Variants in FGF12 observed in about 807,000 individuals in gnomAD.
FGF12 encodes the protein fibroblast growth factor 12B.
Under a neutral mutation model 23.6 loss-of-function variants are expected in FGF12, and 14 were observed. The ratio of observed to expected loss-of-function variants is 0.59; its 90% CI spans 0.39 to 0.93. FGF12 has a LOEUF of 0.93. Among genes scored for constraint, FGF12 ranks in the 40% least tolerant of loss-of-function variants. The pLI is 0.00. For synonymous variants in FGF12, 62 were observed against 77.3 expected (o/e 0.80, Z 1.04); for missense variants, 175 against 217.8 (o/e 0.80, Z 1.24).
intron 2 of FGF12, among the ~76,000 whole-genome samples, chr3:192,495,067 G>T (rs1465249046): frequency 1.3e-5 from 2 of 151,996 alleles, no homozygotes; most frequent in Non-Finnish European, 2.9e-5. Context: ...CCCCATCTTG[G>T]CCAGGCTGGT....
At chr3:192,218,081 C>T (rs887125104) in intron 4 of FGF12, among the ~76,000 whole-genome samples, 5 of 152,156 alleles carry the variant, frequency 3.3e-5, no homozygotes, top group South Asian at 2.1e-4. Flanking sequence ...AGGTGGCCCA[C>T]GTCGGCCTCC....
chr3:192,446,258 CTA>C (rs902434312), intron 2 of FGF12, among the ~76,000 whole-genome samples: 2 of 152,200 alleles, frequency 1.3e-5, no homozygotes, highest in African/African-American at 4.8e-5. Context: ...TCTTTCTAAA[CTA>C]TATGGCTGTA....
chr3:192,699,350 A>G (rs926029492), intron 2 of FGF12, among the ~76,000 whole-genome samples: 2 of 152,204 alleles, frequency 1.3e-5, no homozygotes, highest in Non-Finnish European at 2.9e-5. Context: ...AAGTCATAGA[A>G]AAGGAATGAG....
At chr3:192,462,962 G>T (rs908966760) in intron 2 of FGF12, among the ~76,000 whole-genome samples, 6 of 152,160 alleles carry the variant, frequency 3.9e-5, no homozygotes, top group Admixed American at 6.5e-5. Flanking sequence ...AAGAGTTTGT[G>T]GGGATATGAA....
intron 5 of FGF12, among the ~76,000 whole-genome samples, chr3:192,149,478 C>A (rs1450664003): frequency 8.7e-6 from 1 of 114,612 alleles, no homozygotes; most frequent in Non-Finnish European, 1.8e-5. Flanking sequence ...CCCCACCCCA[C>A]AACAGTCCCC....
intron 2 of FGF12, among the ~76,000 whole-genome samples, chr3:192,420,525 G>T (rs1206103938): frequency 6.6e-6 from 1 of 152,144 alleles, no homozygotes; most frequent in Non-Finnish European, 1.5e-5. Context: ...CCCTCTCCAC[G>T]GTAATGAGTG....
intron 5 of FGF12, among the ~76,000 whole-genome samples, chr3:192,158,332 C>CTCTTTCTT (rs375016082): frequency 0.03 from 3,415 of 112,324 alleles, 107 homozygotes; most frequent in African/African-American, 0.034. Flanking sequence ...TTCTTTCTTT[C>CTCTTTCTT]TCTTTCTTTC....
rs547326602 is a variant in FGF12 at position 192,305,779 on chromosome 3, T to A, written c.228+29582A>T. Among the ~76,000 whole-genome samples, 7 of 148,722 alleles carry A rather than the reference T, an allele frequency of 4.7e-5. No homozygotes were observed. The South Asian group carries it at 1.5e-3, about 32-fold the overall frequency. The stretch of plus-strand genomic sequence containing the variant: ...TTTTTGTGTCGGACACTGATATTAG[T>A]GACCCCTATTTCCTTTGAGAAACTT... On this transcript the variant is annotated intron_variant, in intron 4 of 5. Coordinates refer to ENST00000445105, the MANE Select transcript of FGF12 (RefSeq NM_004113.6).
chr3:192,376,353 T>C (rs1052286495), intron 2 of FGF12, among the ~76,000 whole-genome samples: 9 of 151,322 alleles, frequency 5.9e-5, no homozygotes, highest in African/African-American at 1.2e-4. Flanking sequence ...TATTTATTTA[T>C]TTATTTATTT....
chr3:192,711,400 G>A (rs1188892279), intron 2 of FGF12, among the ~76,000 whole-genome samples: 1 of 149,270 alleles, frequency 6.7e-6, no homozygotes, highest in Non-Finnish European at 1.5e-5. Flanking sequence ...GCCCCTTCTG[G>A]GAAGTGAGGA....
At chr3:192,418,425 C>T (rs1338395291) in intron 2 of FGF12, among the ~76,000 whole-genome samples, 16 of 152,052 alleles carry the variant, frequency 1.1e-4, no homozygotes, top group Non-Finnish European at 5.9e-5. Context: ...TTACCAAGTC[C>T]TTATATAATT....
At chr3:192,619,206 A>G (rs7641387) in intron 2 of FGF12, among the ~76,000 whole-genome samples, 116,908 of 151,874 alleles carry the variant, frequency 0.77, 45,903 homozygotes, top group African/African-American at 0.94. Flanking sequence ...GATGAGATGA[A>G]AGAGAAATTT....
intron 2 of FGF12, chr3:192,521,330 T>C (rs927328618): frequency 1.3e-5 from 2 of 152,222 alleles, no homozygotes; most frequent in African/African-American, 2.4e-5. Flanking sequence ...GTTTTCCATC[T>C]CTTCTAATAG....
intron 2 of FGF12, among the ~76,000 whole-genome samples, chr3:192,479,103 T>C (rs1041531928): frequency 1.3e-5 from 2 of 152,212 alleles, no homozygotes; most frequent in Admixed American, 6.5e-5. Context: ...TCCCTTCTTT[T>C]AGTTCTTCTT....
At chr3:192,571,172 G>C (rs1472786796) in intron 2 of FGF12, among the ~76,000 whole-genome samples, 1 of 152,194 alleles carries the variant, frequency 6.6e-6, no homozygotes, top group African/African-American at 2.4e-5. Flanking sequence ...TTAATGGACT[G>C]TCAATGTCAA....
intron 5 of FGF12, among the ~76,000 whole-genome samples, chr3:192,146,885 G>T (rs1346849095): frequency 6.6e-6 from 1 of 152,128 alleles, no homozygotes; most frequent in South Asian, 2.1e-4. Context: ...CAGTGCCACA[G>T]CAAGATGTAA....
At chr3:192,406,020 G>T (rs149024715) in intron 2 of FGF12, among the ~76,000 whole-genome samples, 8 of 152,242 alleles carry the variant, frequency 5.3e-5, no homozygotes, top group Admixed American at 4.6e-4. Context: ...GCTAAAGGAA[G>T]TCACCAGTCA....
chr3:192,360,695 C>CTT lies in FGF12; in HGVS notation c.14-159_14-158dup, dbSNP rs762691841. ...TGGGTGTTTCAGTAACATATCTATG[C>CTT]TTTTTTTTTTCCATTTAGAGGTAGA... On this transcript the variant is annotated intron_variant, in intron 2 of 5. Coordinates refer to ENST00000445105, the MANE Select transcript of FGF12 (RefSeq NM_004113.6). This position sits in a 1 kb window ranked among gnomAD's most constrained non-coding sequence, Gnocchi z 4.3. 9.3e-6 allele frequency: 5 copies of CTT among 539,552 alleles called. No homozygotes were observed. The highest frequency in any genetic ancestry group is 6.4e-5 in the East Asian group (2 of 31,412). The allele number at this position is 539,552 out of a possible 1,614,324, so 33.4% of individuals were successfully genotyped here. A position where few individuals can be genotyped will look rare whatever the true frequency, so the allele number is the denominator to read the frequency against.
At chr3:192,631,728 A>G (rs1485931218) in intron 2 of FGF12, among the ~76,000 whole-genome samples, 1 of 152,242 alleles carries the variant, frequency 6.6e-6, no homozygotes, top group Non-Finnish European at 1.5e-5. Context: ...ATTTCTGCAT[A>G]TAAGGCAGTG....
Sources: allele counts gnomAD v4.1 joint callset (sites outside exome capture counted in the v4.1 genomes callset), GRCh38; gene constraint gnomAD v4.1.1; non-coding constraint Gnocchi (gnomAD v3.1); transcripts MANE v1.5; gene names NCBI Gene and HGNC (gene_info 2026-07-23, HGNC 2026-07-21).